Variants in PAH observed in about 807,000 individuals in gnomAD.
The protein encoded by PAH is phenylalanine hydroxylase.
In PAH, 64 loss-of-function variants were observed where a neutral mutation model predicts 62.0. That is an observed-to-expected ratio of 1.03 (90% CI 0.84 to 1.27). The LOEUF (loss-of-function observed/expected upper bound fraction) is 1.27. PAH is among the 50% of genes most tolerant of loss of function. PAH has a pLI of 0.00. For missense variants in PAH, 579 were observed against 542.8 expected, an observed-to-expected ratio of 1.07 and a Z score of -0.66; for synonymous variants, 195 against 196.2, an observed-to-expected ratio of 0.99 and a Z score of 0.05.
intron 1 of PAH, chr12:102,913,895 A>T (rs1878292703): frequency 1.4e-6 from 1 of 699,870 alleles, no homozygotes; most frequent in Non-Finnish European, 2.6e-6. Context: ...AATACATAAA[A>T]TTCTATGTGT....
In PAH at chr12:102,846,768, G is replaced by A. The variant is rs1036668454; in HGVS notation, c.969+127C>T. On this transcript the variant is annotated intron_variant, in intron 9 of 12. Transcript: ENST00000553106. ...AATGTGAAGTTTCACTTGTGCAAAT[G>A]TAACCCACCACATTCTGATTTTTTT... 2.6e-5 allele frequency: 20 copies of A among 761,302 alleles called. No homozygotes were observed. The East Asian group carries it at 3.6e-4, about 14-fold the overall frequency. The allele number at this position is 761,302 out of a possible 1,614,324, so 47.2% of individuals were successfully genotyped here.
At position 102,868,004 on chromosome 12, in the gene PAH, GTATATACA is replaced by G. The variant is rs1218977150; in HGVS notation, c.442-1349_442-1342del. 1.1e-4 allele frequency among the ~76,000 whole-genome samples: 14 copies of G among 130,462 alleles called. 5 individuals carry two copies. Among genetic ancestry groups the G allele is most frequent in the African/African-American group, 4.2e-4 (14 of 33,542 alleles). 85.6% of individuals were successfully genotyped at this position (130,462 alleles called of 152,430 possible). ...ATAGATGTATATTACATGTATATATGTATATACATATATACATATATACATGTATATAC... is the reference window on the plus strand; with the variant it reads ...ATAGATGTATATTACATGTATATATGTATATACATATATACATGTATATAC... On this transcript the variant is annotated intron_variant, in intron 4 of 12. Coordinates refer to ENST00000553106, the MANE Select transcript of PAH (RefSeq NM_000277.3).
chr12:102,930,944 C>A (rs1412663366), intron 1 of PAH, among the ~76,000 whole-genome samples: 1 of 152,020 alleles, frequency 6.6e-6, no homozygotes, highest in African/African-American at 2.4e-5. Flanking sequence ...AATAAAAAAA[C>A]AAATTTCAAT....
intron 9 of PAH, among the ~76,000 whole-genome samples, chr12:102,846,531 T>C (rs1592949199): frequency 1.3e-5 from 2 of 152,318 alleles, no homozygotes; most frequent in East Asian, 3.9e-4. Flanking sequence ...AAGATCCTAA[T>C]GTATGCTCTG....
At chr12:102,877,682 T>C (rs1876634000) in intron 3 of PAH, 132 bp from the exon 4 acceptor site, 2 of 731,862 alleles carry the variant, frequency 2.7e-6, no homozygotes, top group Admixed American at 2.0e-5. Flanking sequence ...ACCCCCAAAT[T>C]ACTATCGTTC....
chr12:102,838,105 C>T lies in PAH; in HGVS notation c.*1070G>A, dbSNP rs1410540349. 1 of 152,168 alleles carries T rather than the reference C, an allele frequency of 6.6e-6. No individual in the cohort carries two copies. Among genetic ancestry groups the T allele is most frequent in the East Asian group, 1.9e-4 (1 of 5,198 alleles). The allele number at this position is 152,168 out of a possible 1,614,324, so 9.4% of individuals were successfully genotyped here. A position where few individuals can be genotyped will look rare whatever the true frequency, so the allele number is the denominator to read the frequency against. On this transcript the variant is annotated 3_prime_UTR_variant, in exon 13 of 13. Coordinates refer to ENST00000553106, the MANE Select transcript of PAH (RefSeq NM_000277.3). ...ATTGTTTTTTTTCTCCCCACTGCTT[C>T]TCAGATATTCATGTTTTCATGGCAA...
Position 102,912,836 on chromosome 12 carries a change from G to T in PAH, c.123C>A (p.Leu41=). The T allele has an allele frequency of 6.2e-7, 1 of 1,613,592 alleles. No individual in the cohort carries two copies. Among genetic ancestry groups the T allele is most frequent in the Middle Eastern group, 1.7e-4 (1 of 6,058 alleles). Residue 41 remains leucine, a synonymous_variant, in exon 2 of 13, where the codon CTC becomes CTA. Transcript: ENST00000553106. ...TGGCCAATGCACCAACTTCTTCTTT[G>T]AGTGAGAAGATCAGTGATATGGCAC... ...QNGAISLIFS[L]KEEVGALAKV...
chr12:102,893,170 C>T (rs1424267022), intron 3 of PAH, among the ~76,000 whole-genome samples: 5 of 152,172 alleles, frequency 3.3e-5, no homozygotes, highest in Middle Eastern at 3.4e-3. Context: ...GAGGCTGAGG[C>T]GGGTGGTTCA....
chr12:102,908,022 G>GA (rs34438405), intron 2 of PAH, among the ~76,000 whole-genome samples: 30 of 146,534 alleles, frequency 2.0e-4, no homozygotes, highest in South Asian at 6.5e-4. Flanking sequence ...AGTATGTTTG[G>GA]AAAAAAAAAA....
intron 5 of PAH, among the ~76,000 whole-genome samples, chr12:102,861,576 C>T (rs1275291673): frequency 6.6e-6 from 1 of 152,150 alleles, no homozygotes; most frequent in East Asian, 1.9e-4. Flanking sequence ...GACTTGGAAC[C>T]AACCCAAATG....
intron 2 of PAH, among the ~76,000 whole-genome samples, chr12:102,904,927 A>G (rs1877915168): frequency 6.6e-6 from 1 of 152,238 alleles, no homozygotes; most frequent in African/African-American, 2.4e-5. Context: ...CACAAACAAT[A>G]CAAGTCATTC....
At position 102,851,722 on chromosome 12, in the gene PAH, A is replaced by C. The variant is rs2136644930; in HGVS notation, c.877T>G (p.Leu293Val). Residue 293 changes from leucine (L) to valine (V), a missense_variant, in exon 8 of 13, where the codon TTG becomes GTG. Transcript: ENST00000553106. The part of the protein sequence containing the change: ...ICHELLGHVP[L>V]FSDRSFAQFS... ...TGGGCAAAGCTGCGATCTGAAAACA[A>C]GGGCACATGTCCCAACAGCTCATGG... is the stretch of plus-strand genomic sequence containing the variant. The C allele has an allele frequency of 6.2e-7, 1 of 1,614,132 alleles. No individual in the cohort carries two copies. Among genetic ancestry groups the C allele is most frequent in the South Asian group, 1.1e-5 (1 of 91,082 alleles).
At chr12:102,840,330 G>A in intron 12 of PAH, 70 bp downstream of exon 12, 3 of 927,344 alleles carry the variant, frequency 3.2e-6, no homozygotes, top group Admixed American at 1.7e-5. Context: ...TTTTCCTATG[G>A]CGATGGTAGG....
At chr12:102,863,269 TA>T (rs1356177233) in intron 5 of PAH, among the ~76,000 whole-genome samples, 2 of 152,204 alleles carry the variant, frequency 1.3e-5, no homozygotes, top group African/African-American at 4.8e-5. Flanking sequence ...ATTCTCATTT[TA>T]AAAGAAAGGC....
chr12:102,902,976 C>T (rs746345118), intron 2 of PAH, among the ~76,000 whole-genome samples: 21 of 152,218 alleles, frequency 1.4e-4, no homozygotes, highest in Non-Finnish European at 2.6e-4. Context: ...GCAGCTTAAT[C>T]TGGCTCAGCT....
At chr12:102,958,263 A>T (rs764852842) in exon 1 of PAH, 2 of 1,474,994 alleles carry the variant, frequency 1.4e-6, no homozygotes, top group South Asian at 2.6e-5. Context: ...CTCTGCCAAG[A>T]TGGAGAGCGG....
At chr12:102,851,099 A>AG (rs1262554139) in intron 8 of PAH, among the ~76,000 whole-genome samples, 2 of 151,540 alleles carry the variant, frequency 1.3e-5, no homozygotes, top group African/African-American at 4.9e-5. Flanking sequence ...AAAAGAAAAA[A>AG]AAAAGAAAGA....
chr12:102,957,552 A>G lies in PAH; in HGVS notation c.-96+643T>C, dbSNP rs1430008896. On this transcript the variant is annotated intron_variant, in intron 1 of 4. Coordinates refer to the PAH transcript ENST00000551337. This position sits in a 1 kb window ranked among gnomAD's most constrained non-coding sequence, Gnocchi z 4.1. ...GTGGGTGGGAGGAAGAGGTAAGAGG[A>G]GGGGGGGGAGTGGGGGCTGCAGCCG... 1.3e-4 allele frequency: 3 copies of G among 22,644 alleles called. No homozygotes were observed. The highest frequency in any genetic ancestry group is 2.0e-4 in the African/African-American group (1 of 4,924). 1.4% of individuals were successfully genotyped at this position (22,644 alleles called of 1,614,324 possible).
chr12:102,854,989 G>T lies in PAH; in HGVS notation c.706+147C>A, dbSNP rs535084844. 5.5e-6 allele frequency: 4 copies of T among 733,662 alleles called. No individual in the cohort carries two copies. The South Asian group carries it at 5.9e-5, about 11-fold the overall frequency. 45.4% of individuals were successfully genotyped at this position (733,662 alleles called of 1,614,324 possible). A position where few individuals can be genotyped will look rare whatever the true frequency, so the allele number is the denominator to read the frequency against. ...GGAAGGCAGAGCACAGTGAAATTTA[G>T]TTCTTCCTGGAGGAATCAACCTGCA... On this transcript the variant is annotated intron_variant, in intron 6 of 12. Coordinates refer to ENST00000553106, the MANE Select transcript of PAH (RefSeq NM_000277.3).
Sources: gnomAD v4.1 joint callset for allele counts (sites outside exome capture counted in the v4.1 genomes callset) on GRCh38, gnomAD v4.1.1 for gene constraint, Gnocchi (gnomAD v3.1) non-coding constraint, MANE v1.5 for transcripts, NCBI Gene and HGNC (gene_info 2026-07-23, HGNC 2026-07-21) for gene names.